EYS: variants seen among roughly 807,000 people sequenced by gnomAD.
EYS encodes the protein protein eyes shut homolog.
EYS carries 250 observed loss-of-function variants against 282.1 expected under a neutral mutation model. The ratio of observed to expected loss-of-function variants is 0.89; its 90% CI spans 0.80 to 0.98. The LOEUF is 0.98. Ranked by LOEUF, EYS falls within the 50% of genes least tolerant of loss-of-function variation. The probability of loss-of-function intolerance (pLI) is 0.00; values close to 1 mark genes in which losing one functional copy is unlikely to be tolerated. For missense variants in EYS, 4,016 were observed against 3,709.0 expected (o/e 1.08, Z -2.15); for synonymous variants, 1,355 against 1,282.9 (o/e 1.06, Z -1.20).
intron 26 of EYS, among the ~76,000 whole-genome samples, chr6:64,552,977 A>G (rs1321171607): frequency 7.7e-6 from 1 of 130,026 alleles, no homozygotes; most frequent in Non-Finnish European, 1.6e-5. Flanking sequence ...GCTATGACCC[A>G]GAAGTTCCCT....
At chr6:64,137,807 TA>T (rs757885434) in intron 31 of EYS, among the ~76,000 whole-genome samples, 2 of 152,124 alleles carry the variant, frequency 1.3e-5, no homozygotes, top group Non-Finnish European at 2.9e-5. Context: ...TGGTAAAGTT[TA>T]AAGTATGAGA....
intron 28 of EYS, among the ~76,000 whole-genome samples, chr6:64,409,702 T>C (rs1773824825): frequency 1.3e-5 from 2 of 152,150 alleles, no homozygotes; most frequent in Admixed American, 6.6e-5. Flanking sequence ...GAAAGCAAAA[T>C]GAAACCTGAG....
chr6:65,190,492 C>A (rs1765616221), intron 12 of EYS, among the ~76,000 whole-genome samples: 2 of 151,290 alleles, frequency 1.3e-5, no homozygotes, highest in Non-Finnish European at 3.0e-5. Flanking sequence ...AGTGCCGTAC[C>A]TACTGTGTCT....
intron 2 of EYS, among the ~76,000 whole-genome samples, chr6:65,557,451 C>T (rs1447862571): frequency 2.6e-5 from 4 of 152,224 alleles, no homozygotes; most frequent in East Asian, 1.9e-4. Context: ...TACAACATGC[C>T]ACAAGCAGTC....
chr6:65,192,293 CTGTGTGTGTGTGTGTGTGTG>C, intron 12 of EYS, among the ~76,000 whole-genome samples: 1 of 142,908 alleles, frequency 7.0e-6, no homozygotes, highest in Middle Eastern at 3.5e-3. Context: ...TTTTTCTACT[CTGTGTGTGTGTGTGTGTGTG>C]TGTGTGTGTG....
At chr6:65,211,230 C>T (rs1010098937) in intron 12 of EYS, among the ~76,000 whole-genome samples, 4 of 151,964 alleles carry the variant, frequency 2.6e-5, no homozygotes, top group Admixed American at 2.6e-4. Flanking sequence ...ATTCATATCT[C>T]CTAGGAAAGG....
At chr6:64,472,901 T>G (rs1776160141) in intron 26 of EYS, among the ~76,000 whole-genome samples, 1 of 152,118 alleles carries the variant, frequency 6.6e-6, no homozygotes, top group Non-Finnish European at 1.5e-5. Context: ...CTAAAAACAC[T>G]TTGTTATCCC....
intron 26 of EYS, among the ~76,000 whole-genome samples, chr6:64,520,088 C>T (rs1331035449): frequency 6.6e-6 from 1 of 151,730 alleles, no homozygotes; most frequent in Non-Finnish European, 1.5e-5. Flanking sequence ...TTGTGCTGTC[C>T]TAGATCCTGG....
At chr6:64,464,119 C>T (rs1425705991) in intron 26 of EYS, among the ~76,000 whole-genome samples, 1 of 152,098 alleles carries the variant, frequency 6.6e-6, no homozygotes, top group African/African-American at 2.4e-5. Context: ...TGGGATTTAT[C>T]CCAGGGATAC....
intron 31 of EYS, among the ~76,000 whole-genome samples, chr6:64,084,442 T>C (rs1484029411): frequency 2.0e-5 from 3 of 152,212 alleles, no homozygotes; most frequent in Non-Finnish European, 2.9e-5. Flanking sequence ...TGGGAGAGTT[T>C]TTAAGAGCTG....
intron 1 of EYS, among the ~76,000 whole-genome samples, chr6:65,640,885 A>AT (rs924385738): frequency 3.4e-4 from 51 of 149,166 alleles, no homozygotes; most frequent in East Asian, 2.9e-3. Context: ...ATCAGCCACA[A>AT]TTTTTTTTTT....
intron 24 of EYS, among the ~76,000 whole-genome samples, chr6:64,594,371 A>C (rs1763504090): frequency 6.6e-6 from 1 of 152,158 alleles, no homozygotes; most frequent in Non-Finnish European, 1.5e-5. Flanking sequence ...TAGCAGCATG[A>C]TTTATAATCC....
chr6:65,280,818 G>A (rs765809735), intron 12 of EYS, among the ~76,000 whole-genome samples: 31 of 149,474 alleles, frequency 2.1e-4, no homozygotes, highest in Non-Finnish European at 3.3e-4. Context: ...AGGAGTTCGA[G>A]ACAAGCCTGA....
chr6:65,019,134 AG>A (rs756958192), intron 13 of EYS, among the ~76,000 whole-genome samples: 9 of 152,208 alleles, frequency 5.9e-5, no homozygotes, highest in Non-Finnish European at 8.8e-5. Context: ...GTTTAGATTA[AG>A]ATAAACCCAT....
chr6:63,984,699 A>G, intron 34 of EYS, 96 bp from the exon 35 acceptor site: 2 of 1,011,428 alleles, frequency 2.0e-6, no homozygotes, highest in Non-Finnish European at 3.0e-6. Flanking sequence ...ATGTGTTTTA[A>G]TGTGTTTTTC....
At chr6:65,113,708 G>GTTTTCCCTAC (rs377063705) in intron 12 of EYS, among the ~76,000 whole-genome samples, 39,741 of 151,912 alleles carry the variant, frequency 0.26, 6,388 homozygotes, top group African/African-American at 0.45. Flanking sequence ...TCTTTTAGCT[G>GTTTTCCCTAC]TGTAGGGAAT....
intron 33 of EYS, among the ~76,000 whole-genome samples, chr6:64,020,761 C>T (rs1045415912): frequency 2.6e-5 from 4 of 152,070 alleles, no homozygotes; most frequent in Admixed American, 1.3e-4. Context: ...CAAACTTTTC[C>T]ATGGTGGGTT....
At chr6:64,107,056 C>G (rs1773038671) in intron 31 of EYS, among the ~76,000 whole-genome samples, 1 of 151,004 alleles carries the variant, frequency 6.6e-6, no homozygotes, top group Non-Finnish European at 1.5e-5. Context: ...TACATTATTA[C>G]TACTATCTGT....
At chr6:65,371,398 T>C (rs1423083457) in intron 8 of EYS, among the ~76,000 whole-genome samples, 4 of 151,560 alleles carry the variant, frequency 2.6e-5, no homozygotes, top group African/African-American at 9.7e-5. Context: ...GAGGACTGTA[T>C]ATAACATTTT....
Sources: gnomAD v4.1 joint callset for allele counts (sites outside exome capture counted in the v4.1 genomes callset) on GRCh38, gnomAD v4.1.1 for gene constraint, MANE v1.5 for transcripts, NCBI Gene and HGNC (gene_info 2026-07-23, HGNC 2026-07-21) for gene names.